The following GKAP1 variants were observed in gnomAD, a reference collection of about 807,000 sequenced individuals.
GKAP1 encodes G kinase-anchoring protein 1.
A neutral mutation model predicts 56.7 loss-of-function variants in GKAP1; 31 were observed. The observed-to-expected ratio is 0.55, with a 90% CI of 0.41 to 0.74. GKAP1 has a LOEUF of 0.74. Among genes scored for constraint, GKAP1 ranks in the 30% least tolerant of loss-of-function variants. The pLI is 0.00. For missense variants in GKAP1, 364 were observed against 402.3 expected, an observed-to-expected ratio of 0.90 and a Z score of 0.82; for synonymous variants, 151 against 138.6, an observed-to-expected ratio of 1.09 and a Z score of -0.63.
intron 8 of GKAP1, among the ~76,000 whole-genome samples, chr9:83,758,611 T>G (rs1943515872): frequency 6.6e-6 from 1 of 151,842 alleles, no homozygotes; most frequent in African/African-American, 2.4e-5. Flanking sequence ...TAGCTGGGCG[T>G]GGTGGTGCAT....
At chr9:83,793,075 G>A (rs531099644) in intron 4 of GKAP1, 252 of 846,974 alleles carry the variant, frequency 3.0e-4, no homozygotes, top group Non-Finnish European at 3.8e-4. Context: ...ATCAGTTAAA[G>A]AGTATGAAGA....
In GKAP1 at chr9:83,770,453, T is replaced by C. The variant is rs562109919; in HGVS notation, c.586-1483A>G. On this transcript the variant is annotated intron_variant, in intron 7 of 12. Coordinates refer to ENST00000376371, the MANE Select transcript of GKAP1 (RefSeq NM_025211.4). Reference sequence around the variant, plus strand: ...GGACTCTTGTCCAAAATCAATAGTTTGTTTCTGAACTCTTAATCCTATTCT... The same window carrying C: ...GGACTCTTGTCCAAAATCAATAGTTCGTTTCTGAACTCTTAATCCTATTCT... Among the ~76,000 whole-genome samples the C allele has an allele frequency of 2.2e-4, 33 of 152,364 alleles. No homozygotes were observed. In the South Asian group the frequency reaches 6.4e-3, roughly 30 times the overall value.
At chr9:83,815,404 G>GC (rs1342477880) in intron 2 of GKAP1, among the ~76,000 whole-genome samples, 5 of 151,424 alleles carry the variant, frequency 3.3e-5, no homozygotes, top group Admixed American at 3.3e-4. Flanking sequence ...GCACCACCAA[G>GC]CCCGACCCAA....
Position 83,768,926 on chromosome 9 carries a change from G to T in GKAP1, c.630C>A (p.Phe210Leu). The T allele has an allele frequency of 6.2e-7, 1 of 1,610,726 alleles. No homozygotes were observed. ...SQTLSHDGGF[F>L]NRLEDDVHKI... ...TATGAACATCATCTTCCAGTCTATT[G>T]AAGAATCCTCCATCATGTGATAAAG... The change falls in exon 8 of 13, where the codon TTC becomes TTA. Residue 210 changes from phenylalanine (F) to leucine (L), a missense_variant. Coordinates refer to ENST00000376371, the MANE Select transcript of GKAP1 (RefSeq NM_025211.4).
chr9:83,777,146 C>T (rs12552783), intron 7 of GKAP1, among the ~76,000 whole-genome samples: 1 of 152,336 alleles, frequency 6.6e-6, no homozygotes, highest in African/African-American at 2.4e-5. Context: ...CCCACTGCCA[C>T]CTTTGACAAC....
intron 8 of GKAP1, among the ~76,000 whole-genome samples, chr9:83,763,879 C>T (rs1393111543): frequency 3.3e-5 from 5 of 152,162 alleles, no homozygotes; most frequent in Non-Finnish European, 7.3e-5. Context: ...AAAGTCTGTT[C>T]TCTTTCCACT....
intron 8 of GKAP1, among the ~76,000 whole-genome samples, chr9:83,758,178 C>T (rs888533444): frequency 1.3e-5 from 2 of 152,088 alleles, no homozygotes; most frequent in Non-Finnish European, 2.9e-5. Flanking sequence ...GGCTTATATC[C>T]TTTGATTCAA....
chr9:83,763,056 G>A (rs537610822), intron 8 of GKAP1, among the ~76,000 whole-genome samples: 1 of 152,102 alleles, frequency 6.6e-6, no homozygotes, highest in African/African-American at 2.4e-5. Context: ...ATCAACAGAT[G>A]AATAAATAAA....
chr9:83,787,099 T>C (rs7851636), intron 5 of GKAP1, among the ~76,000 whole-genome samples: 49,320 of 152,106 alleles, frequency 0.32, 8,752 homozygotes, highest in Admixed American at 0.48. Flanking sequence ...GTAACAATAA[T>C]GGTTACAGTT....
At chr9:83,780,432 A>T in intron 6 of GKAP1, 28 bp from the exon 7 acceptor site, 1 of 1,063,072 alleles carries the variant, frequency 9.4e-7, no homozygotes. Flanking sequence ...ACAAAGATGA[A>T]ACTTTATTGA....
Position 83,770,211 on chromosome 9 carries a change from C to T in GKAP1, c.586-1241G>A, listed in dbSNP as rs148811233. On this transcript the variant is annotated intron_variant, in intron 7 of 12. Transcript: ENST00000376371. ...AGAAGTTTTTAAATTTGATGAAGTC[C>T]AATTTTATCCAAGAAACCATTGCTT... is the stretch of plus-strand genomic sequence containing the variant. Among the ~76,000 whole-genome samples, 508 of 152,208 alleles carry T rather than the reference C, an allele frequency of 3.3e-3. 1 individual carries two copies. Among genetic ancestry groups the T allele is most frequent in the South Asian group, 0.017 (80 of 4,820 alleles).
intron 2 of GKAP1, among the ~76,000 whole-genome samples, chr9:83,811,993 G>A (rs1294475126): frequency 6.6e-6 from 1 of 151,798 alleles, no homozygotes; most frequent in Non-Finnish European, 1.5e-5. Flanking sequence ...AAGTAGAAGA[G>A]AAGGAAATGT....
chr9:83,745,919 T>A (rs1315541540), intron 10 of GKAP1, among the ~76,000 whole-genome samples: 1 of 152,180 alleles, frequency 6.6e-6, no homozygotes, highest in East Asian at 1.9e-4. Context: ...GCCTCCCAAG[T>A]AGCTGGGATT....
intron 8 of GKAP1, among the ~76,000 whole-genome samples, chr9:83,759,427 A>AC (rs1249718958): frequency 6.7e-6 from 1 of 148,572 alleles, no homozygotes; most frequent in East Asian, 2.0e-4. Context: ...CACCTGGATA[A>AC]TTTTTTTTTT....
At chr9:83,747,559 C>T (rs1943315247) in intron 10 of GKAP1, among the ~76,000 whole-genome samples, 1 of 151,966 alleles carries the variant, frequency 6.6e-6, no homozygotes. Flanking sequence ...GTTTCTTTTA[C>T]CTGAATAGTT....
At chr9:83,804,679 TCCAGCCCCCCGC>T (rs1944405041) in intron 3 of GKAP1, among the ~76,000 whole-genome samples, 1 of 75,420 alleles carries the variant, frequency 1.3e-5, no homozygotes, top group African/African-American at 5.1e-5. Flanking sequence ...GGTGGGGGGG[TCCAGCCCCCCGC>T]CCGGCCAGCC....
At chr9:83,759,838 A>G (rs1038069534) in intron 8 of GKAP1, among the ~76,000 whole-genome samples, 1 of 152,190 alleles carries the variant, frequency 6.6e-6, no homozygotes, top group Non-Finnish European at 1.5e-5. Context: ...AGTGAAATTA[A>G]TATTACTGTA....
chr9:83,765,680 G>A (rs559981275), intron 8 of GKAP1, among the ~76,000 whole-genome samples: 9 of 152,226 alleles, frequency 5.9e-5, no homozygotes, highest in African/African-American at 1.9e-4. Context: ...AGATCATTTC[G>A]GAACTTTAAG....
chr9:83,794,102 G>A (rs1249590433), intron 4 of GKAP1, among the ~76,000 whole-genome samples: 1 of 152,156 alleles, frequency 6.6e-6, no homozygotes, highest in Admixed American at 6.5e-5. Context: ...TGGGAGTCAA[G>A]GCTGCAGTTA....
Sources: allele counts gnomAD v4.1 joint callset (sites outside exome capture counted in the v4.1 genomes callset), GRCh38; gene constraint gnomAD v4.1.1; transcripts MANE v1.5; gene names NCBI Gene and HGNC (gene_info 2026-07-23, HGNC 2026-07-21).